The following ITPRID2 variants were observed in gnomAD, a reference collection of about 807,000 sequenced individuals.
ITPRID2 encodes ITPR interacting domain containing 2, also known as protein ITPRID2.
Under a neutral mutation model 124.3 loss-of-function variants are expected in ITPRID2, and 60 were observed. The observed-to-expected ratio is 0.48, with a 90% CI of 0.39 to 0.60. ITPRID2 has a LOEUF of 0.60. ITPRID2 is among the 20% of genes least tolerant of loss of function. The pLI, the probability that ITPRID2 is intolerant of heterozygous loss-of-function variation, is 0.00. For missense variants in ITPRID2, 1,553 were observed against 1,512.2 expected (o/e 1.03, Z -0.45); for synonymous variants, 521 against 542.9 (o/e 0.96, Z 0.56).
At chr2:181,895,032 A>G (rs527721687) in intron 2 of ITPRID2, among the ~76,000 whole-genome samples, 1 of 152,216 alleles carries the variant, frequency 6.6e-6, no homozygotes, top group South Asian at 2.1e-4. Context: ...TATTTATGGT[A>G]ATTGCTTGTG....
At chr2:181,927,611 T>G (rs1694956219) in intron 16 of ITPRID2, among the ~76,000 whole-genome samples, 1 of 152,234 alleles carries the variant, frequency 6.6e-6, no homozygotes, top group African/African-American at 2.4e-5. Flanking sequence ...TTTGAGGATG[T>G]TTTTTATATT....
chr2:181,916,258 T>C lies in ITPRID2; in HGVS notation c.2618T>C (p.Ile873Thr). ...CTGAGCACTCACAGTGTTCCCAACA[T>C]ATCAGGGGCTACTTGTAGTGCCTTC... The part of the protein sequence containing the change: ...RTLSTHSVPN[I>T]SGATCSAFAS... The change falls in exon 11 of 18, where the codon ATA (isoleucine) becomes ACA (threonine). Residue 873 changes from isoleucine to threonine, a missense_variant. By Grantham distance (89) the Ile-to-Thr change is moderately conservative. Transcript: ENST00000431877. 6.2e-7 allele frequency: 1 copy of C among 1,614,194 alleles called. No individual in the cohort carries two copies. Among genetic ancestry groups the C allele is most frequent in the African/African-American group, 1.3e-5 (1 of 75,044 alleles).
At chr2:181,906,175 CT>C (rs1333931171) in intron 8 of ITPRID2, among the ~76,000 whole-genome samples, 1 of 149,920 alleles carries the variant, frequency 6.7e-6, no homozygotes, top group Non-Finnish European at 1.5e-5. Flanking sequence ...AGTTTCTTCC[CT>C]TTACAAATGA....
rs560954811 is a variant in ITPRID2, at chr2:181,908,270, T to TA, written c.1414-1621dup. 2.0e-4 allele frequency among the ~76,000 whole-genome samples: 30 copies of TA among 151,904 alleles called. 1 individual carries two copies. The South Asian group carries it at 3.5e-3, about 18-fold the overall frequency. On this transcript the variant is annotated intron_variant, in intron 8 of 17. Coordinates refer to ENST00000431877, the MANE Select transcript of ITPRID2 (RefSeq NM_001130445.3). The stretch of plus-strand genomic sequence containing the variant: ...TCAAAATAAATAAATAGATTAAATT[T>TA]AAAAAAAACATGACAGTGAGAGATT...
intron 10 of ITPRID2, among the ~76,000 whole-genome samples, chr2:181,914,405 AG>A (rs1282730598): frequency 5.3e-5 from 8 of 152,236 alleles, no homozygotes; most frequent in Non-Finnish European, 1.0e-4. Flanking sequence ...CTATATGTAG[AG>A]TACACAGAAT....
intron 7 of ITPRID2, 67 bp downstream of exon 7, chr2:181,900,971 T>C: frequency 8.0e-7 from 1 of 1,252,270 alleles, no homozygotes; most frequent in Non-Finnish European, 1.1e-6. Flanking sequence ...GATGGTCTTA[T>C]TTTAAAGCCT....
In ITPRID2 at chr2:181,915,430, C is replaced by T. The variant is rs775050244; in HGVS notation, c.1790C>T (p.Pro597Leu). Residue 597 changes from proline (P) to leucine (L), a missense_variant, in exon 11 of 18, where the codon CCT becomes CTT. By Grantham distance (98) the Pro-to-Leu change is moderately conservative. Transcript: ENST00000431877. ...AGAAAATCAGGTAGCCAGGATTTCC[C>T]TCAGTGCAACACCATTGAGAATACA... ...DKRKSGSQDFPQCNTIENTGT... is the reference protein window; with the variant it reads ...DKRKSGSQDFLQCNTIENTGT... 1.2e-6 allele frequency: 2 copies of T among 1,614,130 alleles called. No individual in the cohort carries two copies. The highest frequency in any genetic ancestry group is 4.5e-5 in the East Asian group (2 of 44,872).
chr2:181,915,216 G>A lies in ITPRID2; in HGVS notation c.1576G>A (p.Val526Ile). ...CTTTCCACCTATTTTCTTTTCACAG[G>A]TTCAGGAGTCCTTGCAGGCTATGGG... ...TDCLSLNHLQ[V>I]QESLQAMGSS... The change falls in exon 11 of 18, where the codon GTT becomes ATT. Residue 526 changes from valine (V) to isoleucine (I), a missense_variant and splice_region_variant. Val to Ile is a conservative substitution (Grantham distance 29). Transcript: ENST00000431877. 1 of 1,612,410 alleles carries A rather than the reference G, an allele frequency of 6.2e-7. No homozygotes were observed. Among genetic ancestry groups the A allele is most frequent in the Admixed American group, 1.7e-5 (1 of 59,796 alleles).
intron 17 of ITPRID2, among the ~76,000 whole-genome samples, chr2:181,928,836 C>T (rs920188858): frequency 2.0e-5 from 3 of 152,086 alleles, no homozygotes; most frequent in South Asian, 2.1e-4. Flanking sequence ...CCGTTTTAGC[C>T]GGGATGGTCT....
chr2:181,902,049 T>C lies in ITPRID2; in HGVS notation c.996T>C (p.Ile332=). ...EKGKILNVSV[I]EESGNKNDQK... is the part of the protein sequence containing the mutation. ...GAAAGATTCTAAATGTTTCAGTGAT[T>C]GAAGAAAGTGGCAATAAAAACGATC... Residue 332 remains isoleucine, a synonymous_variant, in exon 8 of 18, where the codon ATT becomes ATC. Coordinates refer to ENST00000431877, the MANE Select transcript of ITPRID2 (RefSeq NM_001130445.3). This position sits in a 1 kb window ranked among gnomAD's most constrained non-coding sequence, Gnocchi z 4.4. 1 of 1,612,400 alleles carries C rather than the reference T, an allele frequency of 6.2e-7. No homozygotes were observed. Among genetic ancestry groups the C allele is most frequent in the Non-Finnish European group, 8.5e-7 (1 of 1,179,548 alleles).
chr2:181,893,583 G>A (rs1377700101), intron 2 of ITPRID2: 1 of 152,138 alleles, frequency 6.6e-6, no homozygotes, highest in Non-Finnish European at 1.5e-5. Context: ...GAATCGACTG[G>A]AACCTTATTG....
At position 181,900,775 on chromosome 2, in the gene ITPRID2, G is replaced by A. The variant is rs1165718565; in HGVS notation, c.583G>A (p.Asp195Asn). The A allele has an allele frequency of 6.2e-7, 1 of 1,613,320 alleles. No individual in the cohort carries two copies. ...YNLGFGRDEP[D>N]IASKIPSRFF... ...TCTTGGATTTGGACGTGATGAACCA[G>A]ATATTGCTTCTAAAATTCCTTCCAG... The change falls in exon 7 of 18, where the codon GAT (aspartate) becomes AAT (asparagine). Residue 195 changes from aspartate (D) to asparagine (N), a missense_variant. Coordinates refer to ENST00000431877, the MANE Select transcript of ITPRID2 (RefSeq NM_001130445.3).
rs1486561420 is a variant in ITPRID2, at chr2:181,915,573, G to A, written c.1933G>A (p.Asp645Asn). 7 of 1,614,076 alleles carry A rather than the reference G, an allele frequency of 4.3e-6. No homozygotes were observed. The highest frequency in any genetic ancestry group is 3.4e-6 in the Non-Finnish European group (4 of 1,180,038). The change falls in exon 11 of 18, where the codon GAT (aspartate) becomes AAT (asparagine). Residue 645 changes from aspartate (D) to asparagine (N), a missense_variant. By Grantham distance (23) the Asp-to-Asn change is conservative. Coordinates refer to ENST00000431877, the MANE Select transcript of ITPRID2 (RefSeq NM_001130445.3). The part of the protein sequence containing the change: ...ELLREASAES[D>N]VGKSSESEFT... ...ACTGAGGGAAGCAAGTGCTGAAAGT[G>A]ATGTGGGTAAAAGCAGTGAAAGTGA...
chr2:181,920,840 G>A (rs1447019719), intron 15 of ITPRID2, among the ~76,000 whole-genome samples, 178 bp downstream of exon 15: 2 of 152,180 alleles, frequency 1.3e-5, no homozygotes, highest in African/African-American at 4.8e-5. Context: ...CCACTAGAAA[G>A]CCACCTGAAT....
At chr2:181,916,788 C>T (rs745488758) in intron 11 of ITPRID2, 135 of 984,888 alleles carry the variant, frequency 1.4e-4, no homozygotes, top group Non-Finnish European at 1.6e-4. Context: ...AGTTCTTTCT[C>T]TCTTTCTCTC....
At chr2:181,904,421 A>T (rs902415283) in intron 8 of ITPRID2, among the ~76,000 whole-genome samples, 1 of 152,188 alleles carries the variant, frequency 6.6e-6, no homozygotes, top group East Asian at 1.9e-4. Flanking sequence ...ATATATTTAA[A>T]ATATGGATAA....
intron 15 of ITPRID2, 43 bp downstream of exon 15, chr2:181,920,705 C>A (rs1189941885): frequency 5.6e-6 from 8 of 1,424,388 alleles, no homozygotes; most frequent in Non-Finnish European, 7.9e-6. Context: ...GGGAATGATA[C>A]AACATTTCAG....
chr2:181,901,612 G>A (rs1165664276), intron 7 of ITPRID2, among the ~76,000 whole-genome samples, 154 bp from the exon 8 acceptor site: 1 of 152,178 alleles, frequency 6.6e-6, no homozygotes, highest in Admixed American at 6.5e-5. Flanking sequence ...TGAATGTAGA[G>A]AAGGTTTAAG....
At position 181,892,718 on chromosome 2, in the gene ITPRID2, G is replaced by A; in HGVS notation, c.257+58G>A. ...GGAGATCCGTGCGGACGGGACGCCGGAGCAGAGCCACTCGGGCCGCGTCCC... is the reference window on the plus strand; with the variant it reads ...GGAGATCCGTGCGGACGGGACGCCGAAGCAGAGCCACTCGGGCCGCGTCCC... On this transcript the variant is annotated intron_variant, in intron 2 of 17. Coordinates refer to ENST00000431877, the MANE Select transcript of ITPRID2 (RefSeq NM_001130445.3). This position sits in a 1 kb window ranked among gnomAD's most constrained non-coding sequence, Gnocchi z 5.2. 4 of 1,604,528 alleles carry A rather than the reference G, an allele frequency of 2.5e-6. No homozygotes were observed. The highest frequency in any genetic ancestry group is 3.4e-6 in the Non-Finnish European group (4 of 1,172,256).
Sources: allele counts gnomAD v4.1 joint callset (sites outside exome capture counted in the v4.1 genomes callset), GRCh38; gene constraint gnomAD v4.1.1; non-coding constraint Gnocchi (gnomAD v3.1); transcripts MANE v1.5; gene names NCBI Gene and HGNC (gene_info 2026-07-23, HGNC 2026-07-21).